SLC15A1: variants seen among roughly 807,000 people sequenced by gnomAD.
SLC15A1 encodes the protein Caco-2 oligopeptide transporter.
A neutral mutation model predicts 92.9 loss-of-function variants in SLC15A1; 83 were observed. The observed-to-expected ratio is 0.89, with a 90% CI of 0.75 to 1.07. The LOEUF (loss-of-function observed/expected upper bound fraction) is 1.07. Among genes scored for constraint, SLC15A1 ranks in the 50% least tolerant of loss-of-function variants. The probability of loss-of-function intolerance (pLI) is 0.00; values close to 1 mark genes in which losing one functional copy is unlikely to be tolerated. For missense variants in SLC15A1, 857 were observed against 880.1 expected (o/e 0.97, Z 0.33); for synonymous variants, 322 against 318.2 (o/e 1.01, Z -0.13).
intron 20 of SLC15A1, 50 bp from the exon 21 acceptor site, chr13:98,687,774 A>C (rs773424462): frequency 1.2e-6 from 2 of 1,600,410 alleles, no homozygotes; most frequent in Non-Finnish European, 1.7e-6. Context: ...TTCTAAAATA[A>C]AAACTGTTCG....
At chr13:98,746,345 T>A (rs527720317) in intron 1 of SLC15A1, among the ~76,000 whole-genome samples, 2 of 152,302 alleles carry the variant, frequency 1.3e-5, no homozygotes, top group South Asian at 2.1e-4. Flanking sequence ...TGTGCATGTG[T>A]CTTTATGGTA....
chr13:98,687,183 A>G (rs963341083), intron 21 of SLC15A1, among the ~76,000 whole-genome samples: 1 of 152,124 alleles, frequency 6.6e-6, no homozygotes, highest in African/African-American at 2.4e-5. Flanking sequence ...GGAGCTATAA[A>G]GAGACCTCAA....
chr13:98,696,651 T>C (rs1483579056), intron 18 of SLC15A1, among the ~76,000 whole-genome samples: 15 of 152,076 alleles, frequency 9.9e-5, no homozygotes, highest in Non-Finnish European at 1.5e-5. Flanking sequence ...ACTGTCAGTG[T>C]GTTTCCTTCC....
intron 17 of SLC15A1, among the ~76,000 whole-genome samples, chr13:98,702,967 CAAAAAAAAAAAAAAAAAA>C (rs535486738): frequency 1.3e-5 from 1 of 77,688 alleles, no homozygotes; most frequent in Non-Finnish European, 2.6e-5. Flanking sequence ...GATCCTGTCT[CAAAAAAAAAAAAAAAAAA>C]AAAAAAAAGA....
chr13:98,738,080 A>T (rs562929268), intron 1 of SLC15A1, among the ~76,000 whole-genome samples: 41 of 152,330 alleles, frequency 2.7e-4, no homozygotes, highest in Non-Finnish European at 4.3e-4. Context: ...GACCTAGGAT[A>T]TCTGGTAGAA....
chr13:98,688,207 G>A (rs1243587714), intron 20 of SLC15A1, 41 bp downstream of exon 20: 1 of 1,308,574 alleles, frequency 7.6e-7, no homozygotes, highest in East Asian at 2.3e-5. Context: ...TATCAATCGA[G>A]TATGAGCAGA....
At position 98,687,711 on chromosome 13, in the gene SLC15A1, GGGCA is replaced by G. The variant is rs1321435460; in HGVS notation, c.1693_1696del (p.Cys565LeufsTer3). On this transcript the variant is annotated frameshift_variant, in exon 21 of 23. Coordinates refer to ENST00000376503, the MANE Select transcript of SLC15A1 (RefSeq NM_005073.4). LOFTEE classifies it high-confidence loss of function. Reference sequence around the variant, plus strand: ...AATATCTTCAAACACCTTCACTTCAGGGCAGCTGTCATTCTGCAGCAGTAAGGCA... The same window carrying G: ...AATATCTTCAAACACCTTCACTTCAGGCTGTCATTCTGCAGCAGTAAGGCA... 6.2e-7 allele frequency: 1 copy of G among 1,613,278 alleles called. No individual in the cohort carries two copies. Among genetic ancestry groups the G allele is most frequent in the South Asian group, 1.1e-5 (1 of 90,660 alleles).
In SLC15A1 at chr13:98,687,716, G is replaced by A. The variant is rs200602769; in HGVS notation, c.1692C>T (p.Ser564=). 2 of 1,613,024 alleles carry A rather than the reference G, an allele frequency of 1.2e-6. No individual in the cohort carries two copies. The highest frequency in any genetic ancestry group is 1.7e-6 in the Non-Finnish European group (2 of 1,179,772). The change falls in exon 21 of 23, where the codon AGC becomes AGT. Residue 564 remains serine, a synonymous_variant. Coordinates refer to ENST00000376503, the MANE Select transcript of SLC15A1 (RefSeq NM_005073.4). ...YTYIVQRKND[S]CPEVKVFEDI... ...CTTCAAACACCTTCACTTCAGGGCA[G>A]CTGTCATTCTGCAGCAGTAAGGCAA...
intron 18 of SLC15A1, among the ~76,000 whole-genome samples, chr13:98,691,241 G>A (rs1223455120): frequency 2.0e-5 from 3 of 152,014 alleles, no homozygotes; most frequent in Non-Finnish European, 4.4e-5. Flanking sequence ...GAGGGGATGT[G>A]TTAGCCAGCA....
chr13:98,718,879 T>A (rs1476735768), intron 8 of SLC15A1, among the ~76,000 whole-genome samples: 1 of 152,176 alleles, frequency 6.6e-6, no homozygotes, highest in Non-Finnish European at 1.5e-5. Flanking sequence ...CAGGCTGGTC[T>A]TAAACTCAAG....
At chr13:98,707,903 A>T (rs1243777970) in intron 15 of SLC15A1, among the ~76,000 whole-genome samples, 1,015 of 60,234 alleles carry the variant, frequency 0.017, 34 homozygotes, top group African/African-American at 0.033. Context: ...AAAAAAAAAA[A>T]AAAAAAAAAA....
At chr13:98,736,793 A>C (rs959251219) in intron 1 of SLC15A1, among the ~76,000 whole-genome samples, 1 of 152,256 alleles carries the variant, frequency 6.6e-6, no homozygotes, top group African/African-American at 2.4e-5. Context: ...CCACAATGAG[A>C]TACCACCTCA....
At chr13:98,745,847 G>GTT (rs57621890) in intron 1 of SLC15A1, among the ~76,000 whole-genome samples, 56 of 150,064 alleles carry the variant, frequency 3.7e-4, no homozygotes, top group South Asian at 1.1e-3. Flanking sequence ...ATGTATTTTT[G>GTT]TTTTTTTTTT....
At chr13:98,735,258 T>C (rs910452942) in intron 1 of SLC15A1, among the ~76,000 whole-genome samples, 18 of 152,182 alleles carry the variant, frequency 1.2e-4, no homozygotes, top group African/African-American at 4.3e-4. Context: ...TCTCAATAGA[T>C]GAAGAAAAGA....
intron 15 of SLC15A1, among the ~76,000 whole-genome samples, chr13:98,707,161 C>T (rs181749333): frequency 1.3e-5 from 2 of 152,344 alleles, no homozygotes; most frequent in African/African-American, 2.4e-5. Context: ...AATTCATCTT[C>T]CACAAAGCTA....
chr13:98,707,332 T>A (rs2088120275), intron 15 of SLC15A1, among the ~76,000 whole-genome samples: 1 of 152,138 alleles, frequency 6.6e-6, no homozygotes. Flanking sequence ...AGGAAGGAAA[T>A]TCTGACACAG....
intron 17 of SLC15A1, 86 bp from the exon 18 acceptor site, chr13:98,702,615 G>A (rs2088077085): frequency 1.8e-6 from 2 of 1,140,006 alleles, no homozygotes; most frequent in Admixed American, 1.8e-5. Flanking sequence ...TCTTTGAGAA[G>A]GTGGTATTGA....
intron 20 of SLC15A1, 72 bp from the exon 21 acceptor site, chr13:98,687,796 T>C: frequency 6.4e-7 from 1 of 1,552,918 alleles, no homozygotes. Flanking sequence ...ACAGGTAAAT[T>C]GAGTTTGACC....
intron 18 of SLC15A1, among the ~76,000 whole-genome samples, chr13:98,694,982 C>T (rs1347193431): frequency 3.6e-5 from 5 of 137,682 alleles, no homozygotes; most frequent in Admixed American, 2.5e-4. Flanking sequence ...GATCACACCA[C>T]TGCACTCCAA....
Sources: allele counts gnomAD v4.1 joint callset (sites outside exome capture counted in the v4.1 genomes callset), GRCh38; gene constraint gnomAD v4.1.1; transcripts MANE v1.5; gene names NCBI Gene and HGNC (gene_info 2026-07-23, HGNC 2026-07-21).